RNF103: variants seen among roughly 807,000 people sequenced by gnomAD.
The protein encoded by RNF103 is E3 ubiquitin-protein ligase RNF103.
Under a neutral mutation model 66.2 loss-of-function variants are expected in RNF103, and 23 were observed. The ratio of observed to expected loss-of-function variants is 0.35; its 90% CI spans 0.25 to 0.49. RNF103 has a LOEUF of 0.49. RNF103 is among the 20% of genes least tolerant of loss of function. The pLI, the probability that RNF103 is intolerant of heterozygous loss-of-function variation, is 0.98. For synonymous variants in RNF103, 297 were observed against 289.9 expected (o/e 1.02, Z -0.25); for missense variants, 730 against 814.7 (o/e 0.90, Z 1.27).
Position 86,604,958 on chromosome 2 carries a change from A to G in RNF103, c.943T>C (p.Phe315Leu), listed in dbSNP as rs201780922. Residue 315 changes from phenylalanine (F) to leucine (L), a missense_variant, in exon 4 of 4, where the codon TTT becomes CTT. Transcript: ENST00000237455. ...ACCTCGGGTTGTAATGAGCGCAAAAATGAATCCATGGCCTGAAGGGATATA... is the reference window on the plus strand; with the variant it reads ...ACCTCGGGTTGTAATGAGCGCAAAAGTGAATCCATGGCCTGAAGGGATATA... ...EFISLQAMDS[F>L]LRSLQPEVND... is the part of the protein sequence containing the mutation. 1 of 1,614,108 alleles carries G rather than the reference A, an allele frequency of 6.2e-7. No individual in the cohort carries two copies. Among genetic ancestry groups the G allele is most frequent in the African/African-American group, 1.3e-5 (1 of 75,032 alleles).
chr2:86,608,623 C>A (rs1023127643), intron 3 of RNF103, among the ~76,000 whole-genome samples: 1 of 151,444 alleles, frequency 6.6e-6, no homozygotes, highest in Non-Finnish European at 1.5e-5. Flanking sequence ...CCCCCCTTCT[C>A]TTCTCCTTCC....
In RNF103 at chr2:86,606,988, G is replaced by A. The variant is rs758257635; in HGVS notation, c.483-1570C>T. On this transcript the variant is annotated intron_variant, in intron 3 of 3. Coordinates refer to ENST00000237455, the MANE Select transcript of RNF103 (RefSeq NM_005667.4). ...TGTAGAGTTGGGGTCTCACCATGTCGCCCAGGCTGCCTTTTGTTTTTGGTT... is the reference window on the plus strand; with the variant it reads ...TGTAGAGTTGGGGTCTCACCATGTCACCCAGGCTGCCTTTTGTTTTTGGTT... Among the ~76,000 whole-genome samples the A allele has an allele frequency of 3.1e-4, 47 of 151,904 alleles. 1 individual carries two copies. The highest frequency in any genetic ancestry group is 2.0e-3 in the Admixed American group (30 of 15,246).
At chr2:86,616,378 T>C in intron 2 of RNF103, 6 of 653,910 alleles carry the variant, frequency 9.2e-6, no homozygotes, top group Non-Finnish European at 9.5e-6. Flanking sequence ...AGTATATACA[T>C]GCAAACTATA....
intron 3 of RNF103, among the ~76,000 whole-genome samples, chr2:86,609,454 T>C (rs938516598): frequency 4.7e-5 from 7 of 148,612 alleles, no homozygotes; most frequent in Non-Finnish European, 8.9e-5. Context: ...TGGTGCAATC[T>C]CGGCTCACTG....
At chr2:86,617,877 G>A (rs1276642948) in intron 2 of RNF103, 1 of 1,074,068 alleles carries the variant, frequency 9.3e-7, no homozygotes, top group Non-Finnish European at 1.2e-6. Context: ...CCAAGGACAG[G>A]GTTTCAATCT....
rs1678488926 is a variant in RNF103, at chr2:86,604,939, G to T, written c.962C>A (p.Pro321His). 6.2e-7 allele frequency: 1 copy of T among 1,613,994 alleles called. No homozygotes were observed. Among genetic ancestry groups the T allele is most frequent in the African/African-American group, 1.3e-5 (1 of 74,894 alleles). Residue 321 changes from proline to histidine, a missense_variant, in exon 4 of 4, where the codon CCC (proline) becomes CAC (histidine). By Grantham distance (77) the Pro-to-His change is moderately conservative. Coordinates refer to ENST00000237455, the MANE Select transcript of RNF103 (RefSeq NM_005667.4). Reference protein sequence around the residue: ...AMDSFLRSLQPEVNDLFVLSL... With the variant: ...AMDSFLRSLQHEVNDLFVLSL... ...CAAAACAAACAGATCATTTACCTCG[G>T]GTTGTAATGAGCGCAAAAATGAATC...
At position 86,605,320 on chromosome 2, in the gene RNF103, C is replaced by T. The variant is rs966706490; in HGVS notation, c.581G>A (p.Gly194Glu). The T allele has an allele frequency of 6.2e-7, 1 of 1,614,040 alleles. No individual in the cohort carries two copies. The highest frequency in any genetic ancestry group is 1.3e-5 in the African/African-American group (1 of 74,928). Residue 194 changes from glycine (G) to glutamate (E), a missense_variant, in exon 4 of 4, where the codon GGA becomes GAA. Gly to Glu is a moderately conservative substitution (Grantham distance 98, BLOSUM62 -2). Around this residue, in one of 3 missense-constraint regions of RNF103, gnomAD observed 327 missense variants for 369.8 expected, o/e 0.88. Transcript: ENST00000237455. Reference sequence around the variant, plus strand: ...AATGTGCTCTACTTCAATCTTGCGTCCACTGTATTCTTTAAGCATGACTTT... The same window carrying T: ...AATGTGCTCTACTTCAATCTTGCGTTCACTGTATTCTTTAAGCATGACTTT... ...KGKVMLKEYS[G>E]RKIEVEHIFK...
chr2:86,620,898 C>T (rs1679207219), intron 1 of RNF103, among the ~76,000 whole-genome samples: 1 of 152,114 alleles, frequency 6.6e-6, no homozygotes, highest in Admixed American at 6.5e-5. Context: ...GAATTGGGTT[C>T]ACAGAATTTG....
intron 3 of RNF103, among the ~76,000 whole-genome samples, chr2:86,610,844 A>G (rs972058106): frequency 1.3e-5 from 2 of 152,204 alleles, no homozygotes; most frequent in African/African-American, 4.8e-5. Context: ...ATGGAATCAG[A>G]TCAAATCCTA....
At chr2:86,617,782 G>T in intron 2 of RNF103, 1 of 1,014,504 alleles carries the variant, frequency 9.9e-7, no homozygotes, top group African/African-American at 1.7e-5. Flanking sequence ...TCAATTTTAA[G>T]CATAGTTTTA....
rs1412592363 is a variant in RNF103, at chr2:86,623,672, C to A, written c.-786G>T. The A allele has an allele frequency of 2.5e-6, 3 of 1,177,594 alleles. No individual in the cohort carries two copies. The highest frequency in any genetic ancestry group is 3.0e-5 in the South Asian group (2 of 66,034). The allele number at this position is 1,177,594 out of a possible 1,614,324, so 72.9% of individuals were successfully genotyped here. On this transcript the variant is annotated 5_prime_UTR_variant, in exon 1 of 4. Transcript: ENST00000237455. The stretch of plus-strand genomic sequence containing the variant: ...TGGAATCGGTCTCGGAGGGAAAAAA[C>A]CAATAATAGGCCCCGAGACTGCTCC...
At position 86,623,235 on chromosome 2, in the gene RNF103, C is replaced by G; in HGVS notation, c.-349G>C. 2 of 1,009,906 alleles carry G rather than the reference C, an allele frequency of 2.0e-6. No homozygotes were observed. Among genetic ancestry groups the G allele is most frequent in the Non-Finnish European group, 2.4e-6 (2 of 847,618 alleles). The allele number at this position is 1,009,906 out of a possible 1,614,324, so 62.6% of individuals were successfully genotyped here. On this transcript the variant is annotated 5_prime_UTR_variant, in exon 1 of 4. Transcript: ENST00000237455. ...GAAGAACAAAACGAGGGACGCTTCCCCCGGGGCGGGCACTGACCCAGGTGG... is the reference window on the plus strand; with the variant it reads ...GAAGAACAAAACGAGGGACGCTTCCGCCGGGGCGGGCACTGACCCAGGTGG...
At chr2:86,615,045 A>G (rs1361996344) in intron 2 of RNF103, 4 of 985,282 alleles carry the variant, frequency 4.1e-6, no homozygotes, top group Non-Finnish European at 4.8e-6. Flanking sequence ...GAGACATGTG[A>G]TAAGAGCTCC....
chr2:86,616,843 C>G, intron 2 of RNF103: 1 of 985,392 alleles, frequency 1.0e-6, no homozygotes, highest in Non-Finnish European at 1.2e-6. Flanking sequence ...GAGGATAAAT[C>G]CATAAAACCC....
intron 3 of RNF103, among the ~76,000 whole-genome samples, chr2:86,608,356 A>C (rs1678652481): frequency 6.6e-6 from 1 of 151,854 alleles, no homozygotes; most frequent in South Asian, 2.1e-4. Context: ...GCATGGTGGC[A>C]CGCACCTGTA....
chr2:86,617,112 TG>T, intron 2 of RNF103: 1 of 985,016 alleles, frequency 1.0e-6, no homozygotes, highest in Non-Finnish European at 1.2e-6. Flanking sequence ...AGTGTGTCAT[TG>T]GTAAAGATGT....
At chr2:86,614,653 C>T in intron 2 of RNF103, 3 of 621,330 alleles carry the variant, frequency 4.8e-6, no homozygotes, top group Non-Finnish European at 6.0e-6. Context: ...GAAGATCAAG[C>T]AAAGCAGGCG....
At chr2:86,609,958 T>C (rs1000451518) in intron 3 of RNF103, among the ~76,000 whole-genome samples, 1 of 152,178 alleles carries the variant, frequency 6.6e-6, no homozygotes, top group African/African-American at 2.4e-5. Flanking sequence ...ACACCCTGCA[T>C]TGAAATTCTG....
In RNF103 at chr2:86,604,578, G is replaced by T; in HGVS notation, c.1323C>A (p.Asn441Lys). 1 of 1,614,190 alleles carries T rather than the reference G, an allele frequency of 6.2e-7. No individual in the cohort carries two copies. The highest frequency in any genetic ancestry group is 8.5e-7 in the Non-Finnish European group (1 of 1,180,040). Residue 441 changes from asparagine to lysine, a missense_variant, in exon 4 of 4, where the codon AAC becomes AAA. This residue lies in a region of RNF103 where 355 missense variants were observed against 351.9 expected (regional missense o/e 1.01). Coordinates refer to ENST00000237455, the MANE Select transcript of RNF103 (RefSeq NM_005667.4). The stretch of plus-strand genomic sequence containing the variant: ...TGGCATTGACTTCATCATTGTTGTT[G>T]TTGCGCCTTCTCTTCTTCTCAAAGT... ...IDYFEKKRRR[N>K]NNNDEVNANN...
Sources: allele counts gnomAD v4.1 joint callset (sites outside exome capture counted in the v4.1 genomes callset), GRCh38; gene constraint gnomAD v4.1.1; regional missense constraint gnomAD v4.1.1; transcripts MANE v1.5; gene names NCBI Gene and HGNC (gene_info 2026-07-23, HGNC 2026-07-21).